Variants in DMD observed in about 807,000 individuals in gnomAD.
DMD encodes the protein dystrophin.
Under a neutral mutation model 330.1 loss-of-function variants are expected in DMD, and 63 were observed. The ratio of observed to expected loss-of-function variants is 0.19; its 90% CI spans 0.16 to 0.24. DMD has a LOEUF of 0.24. Among genes scored for constraint, DMD ranks in the 10% least tolerant of loss-of-function variants. The pLI is 1.00. For missense variants in DMD, 3,344 were observed against 2,684.1 expected, an observed-to-expected ratio of 1.25 and a Z score of -5.43; for synonymous variants, 1,223 against 959.8, an observed-to-expected ratio of 1.27 and a Z score of -5.07.
intron 2 of DMD, among the ~76,000 whole-genome samples, chrX:32,922,095 G>A (rs1264824511): frequency 9.0e-6 from 1 of 110,634 alleles, no homozygotes; most frequent in Non-Finnish European, 1.9e-5. Flanking sequence ...AGAAGGAGAG[G>A]GTGCAGAGAG....
At chrX:32,198,187 A>G (rs1425997460) in intron 44 of DMD, among the ~76,000 whole-genome samples, 2 of 111,960 alleles carry the variant, frequency 1.8e-5, no homozygotes, top group African/African-American at 6.5e-5. Flanking sequence ...AATTCAGCAC[A>G]TATCAACTAT....
At chrX:31,877,507 C>G (rs935355947) in intron 47 of DMD, among the ~76,000 whole-genome samples, 5 of 112,186 alleles carry the variant, frequency 4.5e-5, no homozygotes, top group African/African-American at 1.6e-4. Context: ...GCCTCTCATT[C>G]CTGGCAGCCT....
At chrX:31,978,268 G>A (rs951220219) in intron 44 of DMD, among the ~76,000 whole-genome samples, 8 of 110,799 alleles carry the variant, frequency 7.2e-5, no homozygotes, top group Non-Finnish European at 1.1e-4. Flanking sequence ...ATGGATACCA[G>A]CAGTTCAACT....
At chrX:32,686,497 T>C (rs1603011628) in intron 9 of DMD, among the ~76,000 whole-genome samples, 2 of 97,113 alleles carry the variant, frequency 2.1e-5, no homozygotes, top group African/African-American at 8.1e-5. Context: ...AGGCAGAGGT[T>C]GCATTGAGCC....
At chrX:31,403,324 G>C (rs985565916) in intron 60 of DMD, among the ~76,000 whole-genome samples, 3 of 111,616 alleles carry the variant, frequency 2.7e-5, no homozygotes, top group African/African-American at 9.8e-5. Context: ...TGTAGTATCT[G>C]GATCTGTTTC....
chrX:32,052,148 A>G (rs1236974058), intron 44 of DMD, among the ~76,000 whole-genome samples: 1 of 111,879 alleles, frequency 8.9e-6, no homozygotes, highest in African/African-American at 3.2e-5. Flanking sequence ...ATCTAGGCAT[A>G]GAACCTGAGT....
Position 32,225,406 on chromosome X carries a change from T to A in DMD, c.6291-8343A>T, listed in dbSNP as rs562824284. ...GGCTGATTATGACATAGCTCCAAAT[T>A]TCAGCCCTTATCTGAGGTATATAGC... On this transcript the variant is annotated intron_variant, in intron 43 of 78. Transcript: ENST00000357033. Among the ~76,000 whole-genome samples, 5 of 111,939 alleles carry A rather than the reference T, an allele frequency of 4.5e-5. No homozygotes were observed. The South Asian group carries it at 1.9e-3, about 42-fold the overall frequency.
chrX:31,404,197 AC>A (rs934077497), intron 60 of DMD, among the ~76,000 whole-genome samples: 2 of 111,018 alleles, frequency 1.8e-5, no homozygotes, highest in African/African-American at 6.6e-5. Context: ...ATGCCCAAAC[AC>A]CAATGCGATA....
At chrX:31,411,458 G>A (rs1243509352) in intron 60 of DMD, among the ~76,000 whole-genome samples, 3 of 111,768 alleles carry the variant, frequency 2.7e-5, no homozygotes, top group Non-Finnish European at 5.6e-5. Context: ...AAAGACATGC[G>A]ATTACTACGG....
chrX:32,934,783 A>G (rs2089864087), intron 2 of DMD, among the ~76,000 whole-genome samples: 1 of 111,888 alleles, frequency 8.9e-6, no homozygotes, highest in African/African-American at 3.3e-5. Flanking sequence ...CCCTCCCTCC[A>G]TTTACCCAGG....
chrX:31,922,254 A>G (rs1413274227), intron 47 of DMD, among the ~76,000 whole-genome samples: 1 of 111,218 alleles, frequency 9.0e-6, no homozygotes, highest in African/African-American at 3.3e-5. Flanking sequence ...AGGGTGGTGC[A>G]CTCAGGGAGG....
rs2052250562 is a variant in DMD at position 32,570,226 on chromosome X, G to A, written c.1812+3304C>T. On this transcript the variant is annotated intron_variant, in intron 15 of 78. Transcript: ENST00000357033. The stretch of plus-strand genomic sequence containing the variant: ...ATACCTAGACATGTAGTGAAAACTG[G>A]TGACAGATGGTACCTGTTTTGGGTC... 1.1e-4 allele frequency among the ~76,000 whole-genome samples: 12 copies of A among 111,406 alleles called. No homozygotes were observed. The Admixed American group carries it at 1.1e-3, about 11-fold the overall frequency.
At position 31,180,257 on chromosome X, in the gene DMD, G is replaced by C. The variant is rs902017569; in HGVS notation, c.10086+113C>G. The C allele has an allele frequency of 6.8e-6, 4 of 592,525 alleles. No homozygotes were observed. The African/African-American group carries it at 8.9e-5, about 13-fold the overall frequency. The allele number at this position is 592,525 out of a possible 1,213,427, so 48.8% of individuals were successfully genotyped here. On this transcript the variant is annotated intron_variant, in intron 69 of 78. Coordinates refer to ENST00000357033, the MANE Select transcript of DMD (RefSeq NM_004006.3). ...ACAGTTGAGAGCCACTTTAGCTGGG[G>C]AACATCTGGGGAAGTGACAAATCAC...
intron 1 of DMD, among the ~76,000 whole-genome samples, chrX:33,110,044 C>G (rs991006486): frequency 9.0e-6 from 1 of 111,400 alleles, no homozygotes; most frequent in Admixed American, 9.6e-5. Context: ...AAGCTCTCAC[C>G]GGGTGACTTC....
At position 31,796,008 on chromosome X, in the gene DMD, G is replaced by A. The variant is rs1041599835; in HGVS notation, c.7310-21816C>T. Among the ~76,000 whole-genome samples the A allele has an allele frequency of 2.7e-5, 3 of 111,912 alleles. No homozygotes were observed. The South Asian group carries it at 1.1e-3, about 42-fold the overall frequency. On this transcript the variant is annotated intron_variant, in intron 50 of 78. Coordinates refer to ENST00000357033, the MANE Select transcript of DMD (RefSeq NM_004006.3). The stretch of plus-strand genomic sequence containing the variant: ...TGATTTTTCAAGAGAGAGGAGGGAA[G>A]ATGTAGGAAATACCCTAGATAGACT...
chrX:31,375,428 G>GC (rs2059835687), intron 60 of DMD, among the ~76,000 whole-genome samples: 1 of 111,336 alleles, frequency 9.0e-6, no homozygotes, highest in Admixed American at 9.6e-5. Context: ...CTGCTTCTGA[G>GC]CCTAGTCTTG....
intron 1 of DMD, among the ~76,000 whole-genome samples, chrX:33,312,383 T>G: frequency 9.0e-6 from 1 of 111,431 alleles, no homozygotes; most frequent in Non-Finnish European, 1.9e-5. Flanking sequence ...CTGGAACCAA[T>G]ACCACGTGCA....
intron 1 of DMD, among the ~76,000 whole-genome samples, chrX:33,160,808 G>A (rs758356766): frequency 6.5e-4 from 72 of 111,172 alleles, no homozygotes; most frequent in African/African-American, 9.1e-4. Flanking sequence ...CTTGCCTGCC[G>A]GTGATGATCT....
At chrX:32,676,497 T>C (rs2061979657) in intron 9 of DMD, among the ~76,000 whole-genome samples, 1 of 111,692 alleles carries the variant, frequency 9.0e-6, no homozygotes, top group African/African-American at 3.2e-5. Flanking sequence ...ATTGCCATTT[T>C]GGGGCAATGA....
Sources: gnomAD v4.1 joint callset for allele counts (sites outside exome capture counted in the v4.1 genomes callset) on GRCh38, gnomAD v4.1.1 for gene constraint, MANE v1.5 for transcripts, NCBI Gene and HGNC (gene_info 2026-07-23, HGNC 2026-07-21) for gene names.